FANCD2: variants seen among roughly 807,000 people sequenced by gnomAD.
FANCD2 encodes FA complementation group D2.
Under a neutral mutation model 192.3 loss-of-function variants are expected in FANCD2, and 131 were observed. The ratio of observed to expected loss-of-function variants is 0.68; its 90% confidence interval spans 0.59 to 0.79. FANCD2 has a LOEUF of 0.79. Among genes scored for constraint, FANCD2 ranks in the 30% least tolerant of loss-of-function variants. FANCD2 has a pLI of 0.00. For synonymous variants in FANCD2, 524 were observed against 612.5 expected (o/e 0.86, Z 2.13); for missense variants, 1,508 against 1,701.6 (o/e 0.89, Z 2.00).
Position 10,042,596 on chromosome 3 carries a change from G to A in FANCD2, c.821G>A (p.Arg274Lys). ...QLVMDKLSSI[R>K]LEDLPVIIKF... ...GTGATGGATAAGTTGTCGTCTATTA[G>A]ATTGGAGGATTTACCTGTGATAATA... Residue 274 changes from arginine (R) to lysine (K), a missense_variant, in exon 11 of 44, where the codon AGA becomes AAA. By Grantham distance (26) the Arg-to-Lys change is conservative. Transcript: ENST00000675286. 1 of 1,614,064 alleles carries A rather than the reference G, an allele frequency of 6.2e-7. No homozygotes were observed. Among genetic ancestry groups the A allele is most frequent in the African/African-American group, 1.3e-5 (1 of 75,038 alleles).
chr3:10,054,767 G>A (rs935363366), intron 18 of FANCD2, among the ~76,000 whole-genome samples: 1 of 151,152 alleles, frequency 6.6e-6, no homozygotes, highest in African/African-American at 2.4e-5. Context: ...ACAGGCCTGA[G>A]CCACCGCACC....
At chr3:10,050,959 G>T (rs532703807) in intron 17 of FANCD2, among the ~76,000 whole-genome samples, 11 of 151,998 alleles carry the variant, frequency 7.2e-5, no homozygotes, top group African/African-American at 2.7e-4. Flanking sequence ...TGTGGTGCAT[G>T]CCTGTAATCC....
chr3:10,034,929 C>T, intron 5 of FANCD2, 131 bp downstream of exon 5: 1 of 789,090 alleles, frequency 1.3e-6, no homozygotes, highest in Non-Finnish European at 2.1e-6. Context: ...AGAGTTTAAA[C>T]TAAGTTTAAA....
chr3:10,058,892 G>A (rs1004307712), intron 18 of FANCD2, among the ~76,000 whole-genome samples: 1 of 152,176 alleles, frequency 6.6e-6, no homozygotes, highest in African/African-American at 2.4e-5. Flanking sequence ...GTGGGACTTT[G>A]ATAAGGATTG....
At position 10,031,016 on chromosome 3, in the gene FANCD2, A is replaced by G. The variant is rs538181666; in HGVS notation, c.65-1816A>G. 5.9e-5 allele frequency among the ~76,000 whole-genome samples: 9 copies of G among 152,334 alleles called. No homozygotes were observed. In the South Asian group the frequency reaches 1.4e-3, roughly 25 times the overall value. ...CTGAAGAGGAATAATATAGGAAATT[A>G]CTGAAAGTAAATGTTATACTTTGGA... On this transcript the variant is annotated intron_variant, in intron 2 of 43. Transcript: ENST00000675286.
At chr3:10,080,206 C>T (rs992853134) in intron 30 of FANCD2, among the ~76,000 whole-genome samples, 1 of 152,090 alleles carries the variant, frequency 6.6e-6, no homozygotes, top group African/African-American at 2.4e-5. Context: ...AGCTACAGTG[C>T]CCAGCAATTC....
At chr3:10,073,805 C>T (rs1693384076) in intron 28 of FANCD2, among the ~76,000 whole-genome samples, 1 of 152,212 alleles carries the variant, frequency 6.6e-6, no homozygotes, top group Non-Finnish European at 1.5e-5. Flanking sequence ...GCCCAAGTTT[C>T]ATATTAATAC....
chr3:10,073,456 A>T, intron 28 of FANCD2, 94 bp downstream of exon 28: 1 of 1,048,786 alleles, frequency 9.5e-7, no homozygotes, highest in Non-Finnish European at 1.5e-6. Flanking sequence ...AAAGAAAAAA[A>T]AATTAGGAAA....
At position 10,075,728 on chromosome 3, in the gene FANCD2, CT is replaced by C. The variant is rs71052292; in HGVS notation, c.2859+1075del. Reference sequence around the variant, plus strand: ...GTACCTTCAGAACAGAAATAGTATCCTTTTTTTTTTTTTTTTTTTTGAGATG... The same window carrying C: ...GTACCTTCAGAACAGAAATAGTATCCTTTTTTTTTTTTTTTTTTTGAGATG... On this transcript the variant is annotated intron_variant, in intron 29 of 43. Transcript: ENST00000675286. 2.6e-3 allele frequency among the ~76,000 whole-genome samples: 282 copies of C among 106,612 alleles called. 2 individuals carry two copies. In the East Asian group the frequency reaches 0.048, roughly 18 times the overall value. 69.9% of individuals were successfully genotyped at this position (106,612 alleles called of 152,430 possible).
intron 26 of FANCD2, among the ~76,000 whole-genome samples, chr3:10,067,596 G>A (rs1466484976): frequency 4.6e-5 from 7 of 152,166 alleles, no homozygotes; most frequent in African/African-American, 1.4e-4. Flanking sequence ...TCAGGAATTC[G>A]AGACCAGCCT....
At chr3:10,027,564 C>T (rs979870766) in intron 1 of FANCD2, among the ~76,000 whole-genome samples, 2 of 152,162 alleles carry the variant, frequency 1.3e-5, no homozygotes, top group African/African-American at 2.4e-5. Context: ...TCTCCTACCC[C>T]TTCTACTGGC....
intron 18 of FANCD2, among the ~76,000 whole-genome samples, chr3:10,059,663 G>A (rs534071764): frequency 1.6e-3 from 247 of 152,146 alleles, no homozygotes; most frequent in Non-Finnish European, 3.1e-3. Flanking sequence ...TTATCCGGGC[G>A]TGGTTGGTGG....
At chr3:10,032,780 T>C (rs2086634741) in intron 2 of FANCD2, 52 bp from the exon 3 acceptor site, 13 of 1,508,560 alleles carry the variant, frequency 8.6e-6, no homozygotes, top group Non-Finnish European at 1.1e-5. Context: ...GGTTTAAGTT[T>C]TAATTTTTCC....
intron 14 of FANCD2, among the ~76,000 whole-genome samples, chr3:10,046,267 A>G (rs538867294): frequency 6.6e-6 from 1 of 150,500 alleles, no homozygotes; most frequent in Non-Finnish European, 1.5e-5. Flanking sequence ...GTTAGTCAGG[A>G]TGGTCTCGAT....
At position 10,035,111 on chromosome 3, in the gene FANCD2, G is replaced by C. The variant is rs1376558818; in HGVS notation, c.378-62G>C. On this transcript the variant is annotated intron_variant, in intron 5 of 43. Coordinates refer to ENST00000675286, the MANE Select transcript of FANCD2 (RefSeq NM_001018115.3). Reference sequence around the variant, plus strand: ...TATTTAACCAATTTTATTGAGAAAAGATGATAAAAGCATTAAAACAAGGAA... The same window carrying C: ...TATTTAACCAATTTTATTGAGAAAACATGATAAAAGCATTAAAACAAGGAA... 7 of 1,367,550 alleles carry C rather than the reference G, an allele frequency of 5.1e-6. No homozygotes were observed. The African/African-American group carries it at 8.6e-5, about 17-fold the overall frequency. The allele number at this position is 1,367,550 out of a possible 1,614,324, so 84.7% of individuals were successfully genotyped here.
chr3:10,052,666 G>A lies in FANCD2; in HGVS notation c.1656+169G>A, dbSNP rs35445187. 3.1e-3 allele frequency among the ~76,000 whole-genome samples: 475 copies of A among 152,110 alleles called. 10 individuals carry two copies. In the South Asian group the frequency reaches 0.034, roughly 11 times the overall value. On this transcript the variant is annotated intron_variant, in intron 18 of 43. Transcript: ENST00000675286. ...CCCAAGTGGCTGGGACTACAGGCAC[G>A]TGCCACCATACCCAGCTAATTTTTG...
chr3:10,040,033 CTTTTTTT>C (rs570512566), intron 9 of FANCD2, 188 bp downstream of exon 9: 29 of 343,550 alleles, frequency 8.4e-5, no homozygotes, highest in South Asian at 6.1e-4. Flanking sequence ...CACATACTTT[CTTTTTTT>C]TTTTTTTTTT....
chr3:10,046,776 C>G, intron 15 of FANCD2, 53 bp downstream of exon 15: 4 of 1,396,910 alleles, frequency 2.9e-6, no homozygotes, highest in Admixed American at 3.4e-5. Flanking sequence ...CTTTACAGCT[C>G]TCATGTAAAA....
chr3:10,076,825 A>C (rs575800972), intron 29 of FANCD2, among the ~76,000 whole-genome samples: 1 of 152,244 alleles, frequency 6.6e-6, no homozygotes, highest in Admixed American at 6.5e-5. Flanking sequence ...TCCTGAGCTC[A>C]AGTGATTCTT....
Sources: allele counts gnomAD v4.1 joint callset (sites outside exome capture counted in the v4.1 genomes callset), GRCh38; gene constraint gnomAD v4.1.1; transcripts MANE v1.5; gene names NCBI Gene and HGNC (gene_info 2026-07-23, HGNC 2026-07-21).